GPHN: variants seen among roughly 807,000 people sequenced by gnomAD.
The protein encoded by GPHN is gephyrin.
In GPHN, 17 loss-of-function variants were observed where a neutral mutation model predicts 95.5. The ratio of observed to expected loss-of-function variants is 0.18; its 90% CI spans 0.12 to 0.27. The LOEUF is 0.27. GPHN is among the 10% of genes least tolerant of loss of function. The pLI is 1.00. For synonymous variants in GPHN, 320 were observed against 322.5 expected (o/e 0.99, Z 0.08); for missense variants, 660 against 978.1 (o/e 0.67, Z 4.34).
At chr14:67,181,831 G>A (rs17104095), downstream of GPHN, 11,665 of 178,358 alleles carry the variant, frequency 0.065, 413 homozygotes, top group Middle Eastern at 0.081. Flanking sequence ...GTTATTTAAA[G>A]AGAGAAGATT....
chr14:67,463,512 G>A, the GPHN span, among the ~76,000 whole-genome samples: 23 of 152,076 alleles, frequency 1.5e-4, no homozygotes, highest in Admixed American at 1.2e-3. Flanking sequence ...GGCGGCACGC[G>A]CCTGTAGTCC....
intron 5 of GPHN, among the ~76,000 whole-genome samples, chr14:66,904,435 T>C (rs1260217824): frequency 6.6e-6 from 1 of 152,154 alleles, no homozygotes; most frequent in Non-Finnish European, 1.5e-5. Context: ...GATTGGTGCG[T>C]TTTTACAGAG....
At chr14:67,302,458 G>C in the GPHN span, 1 of 1,600,174 alleles carries the variant, frequency 6.2e-7, no homozygotes, top group Non-Finnish European at 8.5e-7. Context: ...TAGCCGGATA[G>C]TAAAAGGGGG....
chr14:67,194,820 G>A, the GPHN span, among the ~76,000 whole-genome samples: 38 of 152,144 alleles, frequency 2.5e-4, no homozygotes, highest in Admixed American at 1.4e-3. Context: ...ACCATGCCAG[G>A]CTAATTTTTA....
chr14:66,583,453 C>T (rs574571906), intron 1 of GPHN, among the ~76,000 whole-genome samples: 6 of 152,198 alleles, frequency 3.9e-5, no homozygotes, highest in Admixed American at 3.3e-4. Context: ...GACATGAAGT[C>T]CTTGCCCATG....
intron 4 of GPHN, among the ~76,000 whole-genome samples, chr14:66,838,968 A>G (rs2061969993): frequency 6.6e-6 from 1 of 152,250 alleles, no homozygotes; most frequent in South Asian, 2.1e-4. Flanking sequence ...TTGAGGCAAC[A>G]AAGTAAACAA....
chr14:67,569,165 T>G, the GPHN span: 1 of 1,613,110 alleles, frequency 6.2e-7, no homozygotes, highest in Non-Finnish European at 8.5e-7. Context: ...TGTGGCCACA[T>G]CGGGCATGCG....
At chr14:67,161,603 A>G (rs1251066856) in intron 19 of GPHN, among the ~76,000 whole-genome samples, 1 of 152,032 alleles carries the variant, frequency 6.6e-6, no homozygotes, top group African/African-American at 2.4e-5. Context: ...TCTACAAAAA[A>G]TACAAAAATT....
chr14:66,672,058 TC>T (rs2066329632), intron 1 of GPHN, among the ~76,000 whole-genome samples: 1 of 152,142 alleles, frequency 6.6e-6, no homozygotes, highest in Non-Finnish European at 1.5e-5. Flanking sequence ...AAATCTTTCT[TC>T]TTTTCTAATA....
At chr14:66,555,176 G>A (rs2059959294) in intron 1 of GPHN, among the ~76,000 whole-genome samples, 1 of 152,094 alleles carries the variant, frequency 6.6e-6, no homozygotes, top group Non-Finnish European at 1.5e-5. Context: ...ACAGAAATCT[G>A]TAGCAGATTC....
chr14:66,541,011 G>A (rs960500808), intron 1 of GPHN, among the ~76,000 whole-genome samples: 1 of 151,846 alleles, frequency 6.6e-6, no homozygotes, highest in Non-Finnish European at 1.5e-5. Flanking sequence ...GCAGTGGCAC[G>A]ATCTTGGCTC....
chr14:67,551,194 G>A, the GPHN span, among the ~76,000 whole-genome samples: 14 of 152,126 alleles, frequency 9.2e-5, no homozygotes, highest in Non-Finnish European at 4.4e-5. Context: ...TAAGTAGTCC[G>A]ATCATATAAT....
the GPHN span, among the ~76,000 whole-genome samples, chr14:67,689,275 G>C: frequency 2.6e-5 from 4 of 152,176 alleles, no homozygotes; most frequent in Non-Finnish European, 5.9e-5. Context: ...TCCAACTATA[G>C]GGCACCTGTG....
the GPHN span, among the ~76,000 whole-genome samples, chr14:67,439,801 A>G: frequency 6.6e-6 from 1 of 151,686 alleles, no homozygotes; most frequent in Non-Finnish European, 1.5e-5. Context: ...TTTAGTGTTA[A>G]AATGTCCTTT....
rs528082040 is a variant in GPHN, at chr14:66,583,579, G to A, written c.64+74988G>A. ...ATTTTTGTATAAGGTGTAAGGAAGG[G>A]ATCCAGTTTCAGCTTTCTCCATATG... On this transcript the variant is annotated intron_variant, in intron 1 of 22. Coordinates refer to ENST00000478722, the MANE Select transcript of GPHN (RefSeq NM_020806.5). 1.1e-3 allele frequency among the ~76,000 whole-genome samples: 171 copies of A among 152,244 alleles called. 1 individual carries two copies. Among genetic ancestry groups the A allele is most frequent in the South Asian group, 0.011 (53 of 4,826 alleles).
At chr14:67,007,469 A>G (rs1009410299) in intron 9 of GPHN, among the ~76,000 whole-genome samples, 3 of 152,200 alleles carry the variant, frequency 2.0e-5, no homozygotes, top group African/African-American at 7.2e-5. Context: ...CTTTCCACAT[A>G]TCAAGTTTAT....
chr14:67,096,420 A>G (rs2077395897), intron 12 of GPHN, among the ~76,000 whole-genome samples: 1 of 152,190 alleles, frequency 6.6e-6, no homozygotes, highest in Non-Finnish European at 1.5e-5. Context: ...CAGAATATTG[A>G]TATGAGCATT....
chr14:67,607,273 C>T, the GPHN span, among the ~76,000 whole-genome samples: 9 of 152,208 alleles, frequency 5.9e-5, no homozygotes, highest in Non-Finnish European at 8.8e-5. Flanking sequence ...AGCTGGCAAG[C>T]TCTTAAAAAC....
chr14:67,203,563 T>C, the GPHN span, among the ~76,000 whole-genome samples: 1 of 152,212 alleles, frequency 6.6e-6, no homozygotes, highest in East Asian at 1.9e-4. Flanking sequence ...ATGCCTCCTC[T>C]TCCACAGCAT....
Sources: gnomAD v4.1 joint callset for allele counts (sites outside exome capture counted in the v4.1 genomes callset) on GRCh38, gnomAD v4.1.1 for gene constraint, MANE v1.5 for transcripts, NCBI Gene and HGNC (gene_info 2026-07-23, HGNC 2026-07-21) for gene names.